The following EPG5 variants were observed in gnomAD, a reference collection of about 807,000 sequenced individuals.
The protein encoded by EPG5 is ectopic P granules protein 5 homolog.
Under a neutral mutation model 302.7 loss-of-function variants are expected in EPG5, and 159 were observed. The ratio of observed to expected loss-of-function variants is 0.53; its 90% CI spans 0.46 to 0.60. EPG5 has a LOEUF of 0.60. Ranked by LOEUF, EPG5 falls within the 20% of genes least tolerant of loss-of-function variation. The pLI is 0.00. For synonymous variants in EPG5, 1,158 were observed against 1,136.8 expected, an observed-to-expected ratio of 1.02 and a Z score of -0.37; for missense variants, 2,896 against 3,092.4, an observed-to-expected ratio of 0.94 and a Z score of 1.51.
At chr18:45,943,348 T>C (rs780885093) in intron 8 of EPG5, 37 bp from the exon 9 acceptor site, 1 of 1,563,210 alleles carries the variant, frequency 6.4e-7, no homozygotes. Context: ...AAATCATAGT[T>C]ACTATGAAAA....
At chr18:45,813,790 G>C in the EPG5 span, among the ~76,000 whole-genome samples, 418 of 152,030 alleles carry the variant, frequency 2.7e-3, 1 homozygote, top group Non-Finnish European at 5.1e-3. Flanking sequence ...GGGAGGGATA[G>C]CATTAGGAGA....
At chr18:45,841,724 C>T in the EPG5 span, among the ~76,000 whole-genome samples, 93 of 152,128 alleles carry the variant, frequency 6.1e-4, no homozygotes, top group African/African-American at 2.2e-3. Context: ...GAGAGTGGGG[C>T]GGGTGTGAGG....
At chr18:45,863,878 T>G (rs1000316806) in intron 39 of EPG5, among the ~76,000 whole-genome samples, 1 of 152,218 alleles carries the variant, frequency 6.6e-6, no homozygotes, top group Non-Finnish European at 1.5e-5. Context: ...CACTATAGTG[T>G]ATACAGGTTT....
At chr18:45,838,382 C>T in the EPG5 span, 1 of 436,984 alleles carries the variant, frequency 2.3e-6, no homozygotes, top group East Asian at 4.5e-5. Flanking sequence ...TGGCTCTCCA[C>T]TCTAGCCCCC....
At chr18:45,962,647 A>G (rs2051174768) in intron 1 of EPG5, among the ~76,000 whole-genome samples, 1 of 152,230 alleles carries the variant, frequency 6.6e-6, no homozygotes, top group Non-Finnish European at 1.5e-5. Context: ...TGAGGAATGT[A>G]GGTCAGCTGC....
intron 32 of EPG5, 151 bp from the exon 33 acceptor site, chr18:45,879,365 T>G (rs2145396580): frequency 3.4e-6 from 2 of 596,524 alleles, no homozygotes; most frequent in South Asian, 4.3e-5. Context: ...ATCAATGGTT[T>G]TTTGTTTTTG....
At chr18:45,912,607 T>A in intron 21 of EPG5, 151 bp from the exon 22 acceptor site, 3 of 820,356 alleles carry the variant, frequency 3.7e-6, no homozygotes, top group Non-Finnish European at 5.5e-6. Context: ...ACTTCTCCAA[T>A]CCACTAGTTA....
At chr18:45,960,332 A>C (rs2051121865) in intron 1 of EPG5, among the ~76,000 whole-genome samples, 1 of 152,188 alleles carries the variant, frequency 6.6e-6, no homozygotes, top group Non-Finnish European at 1.5e-5. Context: ...GGCTATTTGC[A>C]GGCACAATCA....
intron 1 of EPG5, among the ~76,000 whole-genome samples, chr18:45,965,270 G>C (rs2051224083): frequency 1.3e-5 from 2 of 152,096 alleles, no homozygotes; most frequent in Admixed American, 1.3e-4. Context: ...ACACAAAGAA[G>C]GGAATAATAG....
chr18:45,838,011 C>G, the EPG5 span: 2 of 1,278,040 alleles, frequency 1.6e-6, no homozygotes, highest in Non-Finnish European at 2.0e-6. Context: ...CAACGAGACC[C>G]AGCCCTCTCC....
At chr18:45,833,285 T>C in the EPG5 span, among the ~76,000 whole-genome samples, 1 of 152,118 alleles carries the variant, frequency 6.6e-6, no homozygotes, top group Admixed American at 6.6e-5. Flanking sequence ...TAGCACCTGA[T>C]GGGGTTGTTG....
intron 27 of EPG5, among the ~76,000 whole-genome samples, chr18:45,898,273 T>C (rs1356470995): frequency 6.6e-6 from 1 of 152,234 alleles, no homozygotes; most frequent in Non-Finnish European, 1.5e-5. Context: ...GCTGTGCCAC[T>C]TACGGGCTGT....
intron 36 of EPG5, chr18:45,868,259 A>C (rs1373429833): frequency 2.2e-6 from 1 of 447,552 alleles, no homozygotes; most frequent in African/African-American, 2.0e-5. Context: ...GGTAATGCTG[A>C]TGCTGCTGTC....
At chr18:45,810,076 A>G in the EPG5 span, among the ~76,000 whole-genome samples, 2 of 152,268 alleles carry the variant, frequency 1.3e-5, no homozygotes, top group Non-Finnish European at 2.9e-5. Context: ...ATTCAAGGAT[A>G]CTATGAACAT....
intron 20 of EPG5, among the ~76,000 whole-genome samples, chr18:45,914,302 C>T (rs893833271): frequency 3.9e-5 from 6 of 152,124 alleles, no homozygotes; most frequent in Non-Finnish European, 5.9e-5. Context: ...TAAGAGAATC[C>T]GCTAGGCAGA....
chr18:45,944,540 A>C (rs2050745933), intron 7 of EPG5, among the ~76,000 whole-genome samples: 1 of 152,196 alleles, frequency 6.6e-6, no homozygotes, highest in Non-Finnish European at 1.5e-5. Context: ...AGATCACCTG[A>C]GGTCAGGAGT....
intron 38 of EPG5, 102 bp from the exon 39 acceptor site, chr18:45,865,861 G>A: frequency 1.5e-6 from 2 of 1,295,758 alleles, no homozygotes; most frequent in Non-Finnish European, 1.1e-6. Flanking sequence ...GCTTGGGTAG[G>A]GAGTAGAGGG....
At chr18:45,937,066 T>A (rs961398052) in intron 10 of EPG5, among the ~76,000 whole-genome samples, 4 of 151,916 alleles carry the variant, frequency 2.6e-5, no homozygotes, top group African/African-American at 9.7e-5. Flanking sequence ...ATCTTATTAG[T>A]TAATTATCCT....
the EPG5 span, among the ~76,000 whole-genome samples, chr18:45,818,488 T>C: frequency 1.3e-5 from 2 of 152,218 alleles, no homozygotes; most frequent in Non-Finnish European, 2.9e-5. Flanking sequence ...GGTTTTCATC[T>C]ATCTTTAAAA....
Sources: allele counts gnomAD v4.1 joint callset (sites outside exome capture counted in the v4.1 genomes callset), GRCh38; gene constraint gnomAD v4.1.1; transcripts MANE v1.5; gene names NCBI Gene and HGNC (gene_info 2026-07-23, HGNC 2026-07-21).